MACROD1: variants seen among roughly 807,000 people sequenced by gnomAD.
MACROD1 encodes the protein ADP-ribose glycohydrolase MACROD1.
Under a neutral mutation model 41.4 loss-of-function variants are expected in MACROD1, and 31 were observed. The ratio of observed to expected loss-of-function variants is 0.75; its 90% CI spans 0.56 to 1.01. MACROD1 has a LOEUF of 1.01. MACROD1 is among the 50% of genes least tolerant of loss of function. The pLI, the probability that MACROD1 is intolerant of heterozygous loss-of-function variation, is 0.00. For missense variants in MACROD1, 473 were observed against 460.0 expected (o/e 1.03, Z -0.26); for synonymous variants, 252 against 203.4 (o/e 1.24, Z -2.03).
chr11:64,050,448 C>T (rs1311627877), intron 3 of MACROD1, among the ~76,000 whole-genome samples: 9 of 152,234 alleles, frequency 5.9e-5, no homozygotes, highest in Admixed American at 5.9e-4. Context: ...ACCCAGATGC[C>T]CGGGCACTGC....
intron 3 of MACROD1, among the ~76,000 whole-genome samples, chr11:64,085,853 G>A (rs1386283264): frequency 6.6e-6 from 1 of 152,204 alleles, no homozygotes; most frequent in Non-Finnish European, 1.5e-5. Context: ...AGGAATAAGA[G>A]ATGATGCAGA....
chr11:64,136,922 G>A (rs1945341287), intron 3 of MACROD1, among the ~76,000 whole-genome samples: 1 of 152,208 alleles, frequency 6.6e-6, no homozygotes, highest in African/African-American at 2.4e-5. Context: ...GGGAGCAGCG[G>A]GGAGGGCTGG....
chr11:64,101,953 C>A (rs640999), intron 3 of MACROD1, among the ~76,000 whole-genome samples: 70,970 of 152,002 alleles, frequency 0.47, 17,360 homozygotes, highest in African/African-American at 0.61. Flanking sequence ...TTCCCAAATG[C>A]CTTCCCTGCC....
At chr11:64,025,713 C>CTA (rs56196816) in intron 3 of MACROD1, among the ~76,000 whole-genome samples, 2 of 69,504 alleles carry the variant, frequency 2.9e-5, no homozygotes, top group South Asian at 1.2e-3. Flanking sequence ...CATGGGCCCC[C>CTA]CCCGCTCCTT....
intron 3 of MACROD1, among the ~76,000 whole-genome samples, chr11:64,124,336 C>A (rs992954405): frequency 4.6e-5 from 7 of 152,250 alleles, no homozygotes; most frequent in Non-Finnish European, 8.8e-5. Flanking sequence ...CCAACACGCT[C>A]ATGCTGCTGC....
intron 3 of MACROD1, among the ~76,000 whole-genome samples, chr11:64,131,573 G>T (rs1055057494): frequency 6.6e-6 from 1 of 152,096 alleles, no homozygotes; most frequent in Non-Finnish European, 1.5e-5. Flanking sequence ...TGATCCACCC[G>T]CATCGGCCTC....
intron 3 of MACROD1, among the ~76,000 whole-genome samples, chr11:64,113,873 T>TGGATGGA (rs148072020): frequency 7.4e-6 from 1 of 135,220 alleles, no homozygotes; most frequent in Non-Finnish European, 1.6e-5. Flanking sequence ...GATTGATACA[T>TGGATGGA]GGATGGATGG....
intron 4 of MACROD1, among the ~76,000 whole-genome samples, chr11:64,010,702 G>T (rs1156463523): frequency 5.3e-5 from 8 of 150,658 alleles, no homozygotes; most frequent in African/African-American, 2.0e-4. Flanking sequence ...CTGGCATGTT[G>T]GCTGGCATGT....
intron 3 of MACROD1, among the ~76,000 whole-genome samples, chr11:64,035,234 G>A (rs1943350218): frequency 6.6e-6 from 1 of 152,088 alleles, no homozygotes; most frequent in Non-Finnish European, 1.5e-5. Context: ...CCCTTAATAG[G>A]TGGGAGGGGT....
intron 3 of MACROD1, chr11:64,116,471 C>A: frequency 6.2e-7 from 1 of 1,614,098 alleles, no homozygotes; most frequent in Non-Finnish European, 8.5e-7. Flanking sequence ...TCTACTGCAA[C>A]GACCGGGGAC....
At chr11:64,019,043 C>T (rs1365962828) in intron 3 of MACROD1, among the ~76,000 whole-genome samples, 2 of 152,120 alleles carry the variant, frequency 1.3e-5, no homozygotes, top group Admixed American at 6.5e-5. Flanking sequence ...GGGACCCGAG[C>T]CTGGACCTGG....
chr11:64,163,855 A>ATGTGG (rs1945794517), intron 1 of MACROD1, among the ~76,000 whole-genome samples: 1 of 152,190 alleles, frequency 6.6e-6, no homozygotes, highest in Non-Finnish European at 1.5e-5. Flanking sequence ...TCACCCCCGA[A>ATGTGG]AGCGTCCCTC....
intron 4 of MACROD1, among the ~76,000 whole-genome samples, chr11:64,007,702 A>G (rs531656022): frequency 6.6e-6 from 1 of 152,190 alleles, no homozygotes; most frequent in South Asian, 2.1e-4. Flanking sequence ...ATGCTGAAGC[A>G]CAGCCCCCTC....
chr11:64,165,868 CG>C lies in MACROD1; in HGVS notation c.126del (p.Cys42TrpfsTer48). 7.0e-7 allele frequency: 1 copy of C among 1,438,842 alleles called. No homozygotes were observed. The highest frequency in any genetic ancestry group is 9.1e-7 in the Non-Finnish European group (1 of 1,097,366). The allele number at this position is 1,438,842 out of a possible 1,614,324, so 89.1% of individuals were successfully genotyped here. A position where few individuals can be genotyped will look rare whatever the true frequency, so the allele number is the denominator to read the frequency against. On this transcript the variant is annotated frameshift_variant, in exon 1 of 11. Transcript: ENST00000255681. LOFTEE classifies it high-confidence loss of function. ...AACACGCCCAGGAACGCCGGGGGAC[CG>C]CACGTGCTGCTGCGGGTCCTCGTGG... Reference protein sequence around the residue: ...AGATRTRSSTCGPPAFLGVFG... With the variant: ...AGATRTRSSTXGPPAFLGVFG...
chr11:64,089,151 C>T (rs774228212), intron 3 of MACROD1, among the ~76,000 whole-genome samples: 13 of 152,180 alleles, frequency 8.5e-5, no homozygotes, highest in Non-Finnish European at 1.8e-4. Flanking sequence ...TGACCAGCAG[C>T]CTTCCAGGCA....
In MACROD1 at chr11:64,165,971, G is replaced by A. The variant is rs1044204806; in HGVS notation, c.24C>T (p.Ser8=). The change falls in exon 1 of 11, where the codon TCC becomes TCT. Residue 8 remains serine (S), a synonymous_variant. Coordinates refer to ENST00000255681, the MANE Select transcript of MACROD1 (RefSeq NM_014067.4). ...CCGCGCGCAGCTGTGCCAGGCGGCC[G>A]GACAGTCGGCTCTGTAGAGACATGA... The part of the protein sequence containing the change: MSLQSRL[S]GRLAQLRAAG... 3.9e-5 allele frequency: 50 copies of A among 1,294,928 alleles called. No homozygotes were observed. The highest frequency in any genetic ancestry group is 4.8e-5 in the Non-Finnish European group (49 of 1,027,866). 80.2% of individuals were successfully genotyped at this position (1,294,928 alleles called of 1,614,324 possible). A position where few individuals can be genotyped will look rare whatever the true frequency, so the allele number is the denominator to read the frequency against.
intron 3 of MACROD1, among the ~76,000 whole-genome samples, chr11:64,021,962 C>G (rs1160355325): frequency 0.025 from 73 of 2,866 alleles, no homozygotes; most frequent in Admixed American, 0.047. Flanking sequence ...TGTGAGGTGG[C>G]GGCGGGCAGT....
At position 64,146,830 on chromosome 11, in the gene MACROD1, C is replaced by T. The variant is rs1319519770; in HGVS notation, c.517+4409G>A. ...CACACACATAGGCCAAACTCCTGAC[C>T]TCACACACACACTCTATCACACACA... On this transcript the variant is annotated intron_variant, in intron 3 of 10. Coordinates refer to ENST00000255681, the MANE Select transcript of MACROD1 (RefSeq NM_014067.4). The surrounding 1 kb of genome is among the most constrained non-coding windows in gnomAD (Gnocchi z 4.7). Among the ~76,000 whole-genome samples the T allele has an allele frequency of 1.3e-5, 2 of 151,242 alleles. No individual in the cohort carries two copies. Among genetic ancestry groups the T allele is most frequent in the Non-Finnish European group, 3.0e-5 (2 of 67,780 alleles).
chr11:64,164,370 C>T (rs964196980), intron 1 of MACROD1, among the ~76,000 whole-genome samples: 2 of 152,256 alleles, frequency 1.3e-5, no homozygotes, highest in African/African-American at 4.8e-5. Context: ...AAAACAGCGG[C>T]AGCCCTCGAG....
Sources: allele counts gnomAD v4.1 joint callset (sites outside exome capture counted in the v4.1 genomes callset), GRCh38; gene constraint gnomAD v4.1.1; non-coding constraint Gnocchi (gnomAD v3.1); transcripts MANE v1.5; gene names NCBI Gene and HGNC (gene_info 2026-07-23, HGNC 2026-07-21).